H6PD: variants seen among roughly 807,000 people sequenced by gnomAD.
H6PD encodes hexose-6-phosphate dehydrogenase/glucose 1-dehydrogenase.
In H6PD, 48 loss-of-function variants were observed where a neutral mutation model predicts 61.2. The observed-to-expected ratio is 0.78, with a 90% confidence interval of 0.62 to 1.00. H6PD has a LOEUF of 1.00. Among genes scored for constraint, H6PD ranks in the 50% least tolerant of loss-of-function variants. The pLI is 0.00. For missense variants in H6PD, 1,093 were observed against 1,065.0 expected, an observed-to-expected ratio of 1.03 and a Z score of -0.37; for synonymous variants, 480 against 457.9, an observed-to-expected ratio of 1.05 and a Z score of -0.62.
intron 1 of H6PD, 79 bp from the exon 2 acceptor site, chr1:9,244,846 G>T: frequency 7.7e-7 from 1 of 1,301,050 alleles, no homozygotes; most frequent in South Asian, 1.2e-5. Flanking sequence ...CAGGCAGGAA[G>T]TGTTTGTTTC....
chr1:9,248,814 C>G (rs1195644311), intron 3 of H6PD, among the ~76,000 whole-genome samples: 1 of 152,186 alleles, frequency 6.6e-6, no homozygotes, highest in Non-Finnish European at 1.5e-5. Context: ...GGCCCTACCC[C>G]CTGCAGTGAG....
At position 9,271,322 on chromosome 1, in the gene H6PD, A is replaced by G. The variant is rs1441232866; in HGVS notation, c.*6453A>G. On this transcript the variant is annotated 3_prime_UTR_variant, in exon 5 of 5. Coordinates refer to ENST00000377403, the MANE Select transcript of H6PD (RefSeq NM_004285.4). ...TAACGTTTATTTTTTTAAACAATAA[A>G]ATTGATTTGCCAAAATCCGGGCTTT... is the stretch of plus-strand genomic sequence containing the variant. 1 of 152,196 alleles carries G rather than the reference A, an allele frequency of 6.6e-6. No individual in the cohort carries two copies. Among genetic ancestry groups the G allele is most frequent in the Admixed American group, 6.5e-5 (1 of 15,286 alleles). 9.4% of individuals were successfully genotyped at this position (152,196 alleles called of 1,614,324 possible).
chr1:9,264,266 G>A lies in H6PD; in HGVS notation c.1773G>A (p.Gly591=). The change falls in exon 5 of 5, where the codon GGG becomes GGA. Residue 591 remains glycine (G), a synonymous_variant. Transcript: ENST00000377403. ...RFGQFHLALS[G]GSSPVALFQQ... is the part of the protein sequence containing the mutation. ...GCCAGTTCCACCTGGCACTGTCGGG[G>A]GGCTCGAGCCCCGTGGCCCTGTTCC... 1.2e-6 allele frequency: 2 copies of A among 1,609,988 alleles called. No individual in the cohort carries two copies. The highest frequency in any genetic ancestry group is 1.1e-5 in the South Asian group (1 of 90,904).
chr1:9,244,930 C>T lies in H6PD; in HGVS notation c.-5C>T. The T allele has an allele frequency of 1.3e-6, 2 of 1,588,064 alleles. No individual in the cohort carries two copies. The highest frequency in any genetic ancestry group is 1.7e-6 in the Non-Finnish European group (2 of 1,159,326). ...TGTCTCTCTTTGCACCCCAGGCACC[C>T]AGGCATGTGGAATATGCTCATAGTG... On this transcript the variant is annotated 5_prime_UTR_variant, in exon 2 of 5. Coordinates refer to ENST00000377403, the MANE Select transcript of H6PD (RefSeq NM_004285.4).
At chr1:9,237,573 C>T (rs1640887815) in intron 1 of H6PD, among the ~76,000 whole-genome samples, 1 of 152,150 alleles carries the variant, frequency 6.6e-6, no homozygotes, top group South Asian at 2.1e-4. Context: ...CCTCTCTACT[C>T]CCTGCTAAGA....
rs1204320020 is a variant in H6PD, at chr1:9,263,491, G to A, written c.1016-18G>A. 4.3e-6 allele frequency: 7 copies of A among 1,613,116 alleles called. No homozygotes were observed. The South Asian group carries it at 7.7e-5, about 18-fold the overall frequency. On this transcript the variant is annotated intron_variant, in intron 4 of 4. Transcript: ENST00000377403. The stretch of plus-strand genomic sequence containing the variant: ...GGTCTGTGCCAGAGAGTCACCCTCT[G>A]CTGTTCCCTCACCCCAGCCGTCCTA...
At position 9,247,003 on chromosome 1, in the gene H6PD, G is replaced by T. The variant is rs935781440; in HGVS notation, c.665G>T (p.Arg222Leu). 1.4e-5 allele frequency: 23 copies of T among 1,613,788 alleles called. No homozygotes were observed. Among genetic ancestry groups the T allele is most frequent in the African/African-American group, 2.7e-5 (2 of 74,902 alleles). Residue 222 changes from arginine (R) to leucine (L), a missense_variant, in exon 3 of 5, where the codon CGC (arginine) becomes CTC (leucine). Transcript: ENST00000377403. ...AQILPFRDQNRKALDGLWNRH... is the reference protein window; with the variant it reads ...AQILPFRDQNLKALDGLWNRH... ...ATCCTGCCTTTCCGAGACCAGAACC[G>T]CAAGGCTTTGGACGGCCTCTGGAAC...
rs200208026 is a variant in H6PD, at chr1:9,264,215, C to T, written c.1722C>T (p.Thr574=). ...ISKLANDIEA[T]AVRAVRRFGQ... ...AGCTGGCTAATGACATCGAGGCCAC[C>T]GCTGTGCGAGCCGTGCGGCGCTTTG... The change falls in exon 5 of 5, where the codon ACC becomes ACT. Residue 574 remains threonine (T), a synonymous_variant. Coordinates refer to ENST00000377403, the MANE Select transcript of H6PD (RefSeq NM_004285.4). 25 of 1,610,632 alleles carry T rather than the reference C, an allele frequency of 1.6e-5. No individual in the cohort carries two copies. The African/African-American group carries it at 1.9e-4, about 12-fold the overall frequency.
At position 9,264,009 on chromosome 1, in the gene H6PD, G is replaced by A; in HGVS notation, c.1516G>A (p.Glu506Lys). The A allele has an allele frequency of 6.2e-7, 1 of 1,614,236 alleles. No homozygotes were observed. The highest frequency in any genetic ancestry group is 8.5e-7 in the Non-Finnish European group (1 of 1,180,052). ...KAPRLYPGGA[E>K]NGRLLDFEFS... ...CCCACGCCTCTACCCTGGAGGAGCT[G>A]AGAATGGCCGTCTGTTGGACTTTGA... The change falls in exon 5 of 5, where the codon GAG becomes AAG. Residue 506 changes from glutamate (E) to lysine (K), a missense_variant. Physicochemically the swap from Glu to Lys is moderately conservative, Grantham distance 56. Transcript: ENST00000377403.
chr1:9,243,658 C>T (rs987859835), intron 1 of H6PD, among the ~76,000 whole-genome samples: 4 of 152,290 alleles, frequency 2.6e-5, no homozygotes, highest in African/African-American at 7.2e-5. Flanking sequence ...GCAGAACAAA[C>T]AAATACTTGG....
rs1432556799 is a variant in H6PD at position 9,268,185 on chromosome 1, G to A, written c.*3316G>A. 3 of 150,138 alleles carry A rather than the reference G, an allele frequency of 2.0e-5. No homozygotes were observed. The highest frequency in any genetic ancestry group is 4.4e-5 in the Non-Finnish European group (3 of 67,918). 9.3% of individuals were successfully genotyped at this position (150,138 alleles called of 1,614,324 possible). A position where few individuals can be genotyped will look rare whatever the true frequency, so the allele number is the denominator to read the frequency against. On this transcript the variant is annotated 3_prime_UTR_variant, in exon 5 of 5. Coordinates refer to ENST00000377403, the MANE Select transcript of H6PD (RefSeq NM_004285.4). The stretch of plus-strand genomic sequence containing the variant: ...GCCCAGGAGACTGAGGCTGCAGTAA[G>A]GTGTGATTGCACTATTGCTCTCTAG...
chr1:9,242,502 A>C, intron 1 of H6PD: 4 of 904,682 alleles, frequency 4.4e-6, no homozygotes, highest in Non-Finnish European at 5.3e-6. Flanking sequence ...AAGGGAGGCC[A>C]ACCTCAGAAC....
At position 9,247,118 on chromosome 1, in the gene H6PD, C is replaced by T. The variant is rs530933108; in HGVS notation, c.745+35C>T. 3.7e-6 allele frequency: 5 copies of T among 1,348,220 alleles called. No individual in the cohort carries two copies. In the East Asian group the frequency reaches 9.2e-5, roughly 25 times the overall value. The allele number at this position is 1,348,220 out of a possible 1,614,324, so 83.5% of individuals were successfully genotyped here. ...TGGCCCTGCGCACTCGGTCCCCCAGCCTCTGCCTGCCCGCTGTCTGCGGTG... is the reference window on the plus strand; with the variant it reads ...TGGCCCTGCGCACTCGGTCCCCCAGTCTCTGCCTGCCCGCTGTCTGCGGTG... On this transcript the variant is annotated intron_variant, in intron 3 of 4. Transcript: ENST00000377403.
intron 3 of H6PD, among the ~76,000 whole-genome samples, chr1:9,255,866 C>A (rs1641501240): frequency 6.6e-6 from 1 of 152,206 alleles, no homozygotes; most frequent in Non-Finnish European, 1.5e-5. Context: ...CAGCCGGCTT[C>A]TTCATTGTGC....
intron 3 of H6PD, among the ~76,000 whole-genome samples, chr1:9,255,788 C>A (rs2268170): frequency 6.6e-6 from 1 of 152,064 alleles, no homozygotes; most frequent in Admixed American, 6.5e-5. Context: ...CCATCCTTTT[C>A]GCTTTTGCTG....
rs146173767 is a variant in H6PD, at chr1:9,263,871, G to A, written c.1378G>A (p.Val460Ile). Residue 460 changes from valine (V) to isoleucine (I), a missense_variant, in exon 5 of 5, where the codon GTC becomes ATC. Transcript: ENST00000377403. Reference protein sequence around the residue: ...SPVRERDAHSVLLSHIFHGRK... With the variant: ...SPVRERDAHSILLSHIFHGRK... Reference sequence around the variant, plus strand: ...TGTGCGGGAGCGGGACGCCCACTCCGTCCTCTTATCCCATATCTTCCATGG... The same window carrying A: ...TGTGCGGGAGCGGGACGCCCACTCCATCCTCTTATCCCATATCTTCCATGG... 155 of 1,613,906 alleles carry A rather than the reference G, an allele frequency of 9.6e-5. No individual in the cohort carries two copies. The highest frequency in any genetic ancestry group is 1.5e-4 in the South Asian group (14 of 91,088).
Position 9,262,016 on chromosome 1 carries a change from C to T in H6PD, c.746-43C>T, listed in dbSNP as rs770142849. ...ACCTCGGGGAGATCTGATGTTCTGG[C>T]CTCTCTTTAGATCCTCCCCACTTCT... On this transcript the variant is annotated intron_variant, in intron 3 of 4. Coordinates refer to ENST00000377403, the MANE Select transcript of H6PD (RefSeq NM_004285.4). The T allele has an allele frequency of 1.3e-5, 21 of 1,606,572 alleles. 1 individual carries two copies. Among genetic ancestry groups the T allele is most frequent in the Middle Eastern group, 1.6e-4 (1 of 6,072 alleles).
At chr1:9,240,780 C>T (rs1422651020) in intron 1 of H6PD, among the ~76,000 whole-genome samples, 1 of 152,228 alleles carries the variant, frequency 6.6e-6, no homozygotes, top group Non-Finnish European at 1.5e-5. Context: ...GTTTATTTCA[C>T]AGCCCATTCC....
rs1641131104 is a variant in H6PD at position 9,245,233 on chromosome 1, A to G, written c.299A>G (p.Asp100Gly). ...CCCAGTCACTGTGCAGAGCACAAGGATCAGTTCCTGCAGCTGAGCCAGTAC... is the reference window on the plus strand; with the variant it reads ...CCCAGTCACTGTGCAGAGCACAAGGGTCAGTTCCTGCAGCTGAGCCAGTAC... ...MAPSHCAEHK[D>G]QFLQLSQYRQ... Residue 100 changes from aspartate (D) to glycine (G), a missense_variant, in exon 2 of 5, where the codon GAT becomes GGT. Coordinates refer to ENST00000377403, the MANE Select transcript of H6PD (RefSeq NM_004285.4). This position sits in a 1 kb window ranked among gnomAD's most constrained non-coding sequence, Gnocchi z 4.8. 2 of 1,614,180 alleles carry G rather than the reference A, an allele frequency of 1.2e-6. No individual in the cohort carries two copies. The highest frequency in any genetic ancestry group is 1.7e-6 in the Non-Finnish European group (2 of 1,180,012).
Sources: gnomAD v4.1 joint callset for allele counts (sites outside exome capture counted in the v4.1 genomes callset) on GRCh38, gnomAD v4.1.1 for gene constraint, Gnocchi (gnomAD v3.1) non-coding constraint, MANE v1.5 for transcripts, NCBI Gene and HGNC (gene_info 2026-07-23, HGNC 2026-07-21) for gene names.